Variants in CLCN3 observed in about 807,000 individuals in gnomAD.
The protein encoded by CLCN3 is H(+)/Cl(-) exchange transporter 3.
Under a neutral mutation model 83.4 loss-of-function variants are expected in CLCN3, and 16 were observed. That is an observed-to-expected ratio of 0.19 (90% confidence interval 0.13 to 0.29). The LOEUF is 0.29. CLCN3 is among the 10% of genes least tolerant of loss of function. CLCN3 has a pLI of 1.00. For missense variants in CLCN3, 544 were observed against 1,006.0 expected (o/e 0.54, Z 6.21); for synonymous variants, 322 against 346.2 (o/e 0.93, Z 0.78).
chr4:169,661,959 CTG>C (rs1731073082), intron 2 of CLCN3, among the ~76,000 whole-genome samples: 2 of 152,084 alleles, frequency 1.3e-5, no homozygotes, highest in Non-Finnish European at 1.5e-5. Flanking sequence ...ACAAGACAGA[CTG>C]TATTTTCCTC....
intron 2 of CLCN3, among the ~76,000 whole-genome samples, chr4:169,649,754 A>G (rs1332822461): frequency 6.6e-6 from 1 of 152,210 alleles, no homozygotes; most frequent in Non-Finnish European, 1.5e-5. Context: ...GAAATAAAAC[A>G]TCTGTTAATG....
intron 1 of CLCN3, among the ~76,000 whole-genome samples, chr4:169,634,119 T>C (rs1330645329): frequency 6.6e-6 from 1 of 152,154 alleles, no homozygotes; most frequent in African/African-American, 2.4e-5. Context: ...TTAACGGAAA[T>C]AGTTAAATTT....
chr4:169,671,132 A>G (rs963358397), intron 2 of CLCN3, among the ~76,000 whole-genome samples: 4 of 152,210 alleles, frequency 2.6e-5, no homozygotes, highest in Non-Finnish European at 5.9e-5. Context: ...ATTCTGCTAT[A>G]AAGACACATG....
Position 169,620,942 on chromosome 4 carries a change from C to G in CLCN3, c.-138C>G. The G allele has an allele frequency of 2.5e-6, 1 of 398,472 alleles. No individual in the cohort carries two copies. Among genetic ancestry groups the G allele is most frequent in the Non-Finnish European group, 4.4e-6 (1 of 226,032 alleles). 24.7% of individuals were successfully genotyped at this position (398,472 alleles called of 1,614,324 possible). On this transcript the variant is annotated 5_prime_UTR_variant, in exon 1 of 13. Transcript: ENST00000513761. ...ATCTTTTAAATCGCGATAGTTTTCG[C>G]TGTGTCAGGCTTTCTTCGGTGGAGC...
At chr4:169,694,737 G>A (rs957405337) in intron 7 of CLCN3, among the ~76,000 whole-genome samples, 19 of 152,158 alleles carry the variant, frequency 1.2e-4, no homozygotes, top group Non-Finnish European at 1.5e-4. Flanking sequence ...TACTCGGGAG[G>A]CTGAGGCAGG....
chr4:169,627,010 T>A (rs990171958), intron 1 of CLCN3, among the ~76,000 whole-genome samples: 9 of 152,188 alleles, frequency 5.9e-5, no homozygotes, highest in African/African-American at 2.2e-4. Flanking sequence ...TCTCTTACCC[T>A]TCTTATCTGG....
chr4:169,690,025 T>G (rs568961786), intron 5 of CLCN3, among the ~76,000 whole-genome samples: 2 of 152,230 alleles, frequency 1.3e-5, no homozygotes, highest in Non-Finnish European at 2.9e-5. Flanking sequence ...CCTTGGTATA[T>G]GTAGGCATTA....
At chr4:169,665,017 G>T (rs1731194036) in intron 2 of CLCN3, among the ~76,000 whole-genome samples, 1 of 152,046 alleles carries the variant, frequency 6.6e-6, no homozygotes, top group South Asian at 2.1e-4. Flanking sequence ...CTTTAATTAG[G>T]TCATAAAATG....
intron 2 of CLCN3, chr4:169,660,556 G>T (rs539311033): frequency 7.6e-6 from 5 of 653,758 alleles, no homozygotes; most frequent in Non-Finnish European, 1.1e-5. Context: ...ACTGCAGTAC[G>T]TTGTTTAGTT....
Position 169,680,128 on chromosome 4 carries a change from C to G in CLCN3, c.239C>G (p.Pro80Arg). ...HLLDLLDEPI[P>R]GVGTYDDFHT... Reference sequence around the variant, plus strand: ...CTGGATCTTTTGGATGAACCAATTCCAGGTGTTGGTACATATGATGATTTC... The same window carrying G: ...CTGGATCTTTTGGATGAACCAATTCGAGGTGTTGGTACATATGATGATTTC... Residue 80 changes from proline (P) to arginine (R), a missense_variant, in exon 3 of 13, where the codon CCA becomes CGA. This residue lies in a region of CLCN3 where 77 missense variants were observed against 92.8 expected (regional missense o/e 0.83). Coordinates refer to ENST00000513761, the MANE Select transcript of CLCN3 (RefSeq NM_001829.4). The G allele has an allele frequency of 6.2e-7, 1 of 1,612,336 alleles. No homozygotes were observed. The highest frequency in any genetic ancestry group is 8.5e-7 in the Non-Finnish European group (1 of 1,178,410).
At chr4:169,621,467 A>G (rs1049405372) in intron 1 of CLCN3, among the ~76,000 whole-genome samples, 8 of 152,218 alleles carry the variant, frequency 5.3e-5, no homozygotes, top group Admixed American at 1.3e-4. Flanking sequence ...ACTTGACCAG[A>G]AACTGCCTTA....
intron 2 of CLCN3, among the ~76,000 whole-genome samples, chr4:169,664,686 A>G (rs756004307): frequency 1.2e-4 from 19 of 152,220 alleles, no homozygotes; most frequent in Non-Finnish European, 2.5e-4. Flanking sequence ...TTCCCACAGT[A>G]TCTGAATTTC....
intron 2 of CLCN3, among the ~76,000 whole-genome samples, chr4:169,674,255 A>G (rs1262696933): frequency 6.6e-6 from 1 of 152,008 alleles, no homozygotes; most frequent in Admixed American, 6.6e-5. Context: ...AATTTCCCTT[A>G]GTTTGGGTGT....
At chr4:169,661,649 A>G (rs1731061365) in intron 2 of CLCN3, among the ~76,000 whole-genome samples, 1 of 152,144 alleles carries the variant, frequency 6.6e-6, no homozygotes, top group Non-Finnish European at 1.5e-5. Flanking sequence ...CATGTTACAT[A>G]CATTGTGCTT....
chr4:169,644,213 C>A (rs1730505501), intron 2 of CLCN3, among the ~76,000 whole-genome samples: 1 of 150,990 alleles, frequency 6.6e-6, no homozygotes, highest in African/African-American at 2.4e-5. Context: ...GTGAAACAGG[C>A]TTTTGTTTTC....
chr4:169,665,241 G>T (rs972068113), intron 2 of CLCN3, among the ~76,000 whole-genome samples: 5 of 152,106 alleles, frequency 3.3e-5, no homozygotes, highest in Non-Finnish European at 5.9e-5. Flanking sequence ...GGTGGCAACA[G>T]AACAGAAAAG....
intron 9 of CLCN3, among the ~76,000 whole-genome samples, chr4:169,700,150 C>G (rs950228040): frequency 4.1e-4 from 62 of 152,106 alleles, no homozygotes; most frequent in Admixed American, 1.4e-3. Flanking sequence ...TTGATTTTTT[C>G]TATTGTTTAT....
chr4:169,716,207 T>C (rs1201088466), intron 12 of CLCN3, among the ~76,000 whole-genome samples: 1 of 152,222 alleles, frequency 6.6e-6, no homozygotes, highest in African/African-American at 2.4e-5. Flanking sequence ...GACTTTATTA[T>C]GCTCAAATCG....
chr4:169,652,041 T>G (rs536728261), intron 2 of CLCN3, among the ~76,000 whole-genome samples: 5 of 152,302 alleles, frequency 3.3e-5, no homozygotes, highest in African/African-American at 1.2e-4. Flanking sequence ...CTTAAAGACT[T>G]TTGAATTGTG....
Sources: allele counts gnomAD v4.1 joint callset (sites outside exome capture counted in the v4.1 genomes callset), GRCh38; gene constraint gnomAD v4.1.1; regional missense constraint gnomAD v4.1.1; transcripts MANE v1.5; gene names NCBI Gene and HGNC (gene_info 2026-07-23, HGNC 2026-07-21).